ST8SIA4: variants seen among roughly 807,000 people sequenced by gnomAD.
The protein encoded by ST8SIA4 is CMP-N-acetylneuraminate-poly-alpha-2,8-sialyltransferase.
In ST8SIA4, 15 loss-of-function variants were observed where a neutral mutation model predicts 33.9. The observed-to-expected ratio is 0.44, with a 90% CI of 0.30 to 0.68. The LOEUF (loss-of-function observed/expected upper bound fraction) is 0.68, where lower values mean the gene tolerates loss of function less well. ST8SIA4 is among the 30% of genes least tolerant of loss of function. The pLI, the probability that ST8SIA4 is intolerant of heterozygous loss-of-function variation, is 0.10. For missense variants in ST8SIA4, 321 were observed against 428.0 expected (o/e 0.75, Z 2.21); for synonymous variants, 171 against 151.2 (o/e 1.13, Z -0.96).
chr5:100,811,814 A>G lies in ST8SIA4; in HGVS notation c.*33T>C. On this transcript the variant is annotated 3_prime_UTR_variant, in exon 5 of 5. Coordinates refer to ENST00000231461, the MANE Select transcript of ST8SIA4 (RefSeq NM_005668.6). ...CAAATCTTCGGAAGCATCTTCAGAAAAGAAGTGCATATTGTTTGTTTCAAA... is the reference window on the plus strand; with the variant it reads ...CAAATCTTCGGAAGCATCTTCAGAAGAGAAGTGCATATTGTTTGTTTCAAA... The G allele has an allele frequency of 6.4e-7, 1 of 1,561,392 alleles. No homozygotes were observed. Among genetic ancestry groups the G allele is most frequent in the Non-Finnish European group, 8.7e-7 (1 of 1,155,590 alleles).
chr5:100,827,016 T>G (rs565869400), intron 4 of ST8SIA4, among the ~76,000 whole-genome samples: 4 of 151,522 alleles, frequency 2.6e-5, no homozygotes, highest in Non-Finnish European at 4.4e-5. Flanking sequence ...CCTCCCCAAG[T>G]TTTTGTTACC....
intron 1 of ST8SIA4, among the ~76,000 whole-genome samples, chr5:100,900,979 A>G (rs1020587000): frequency 7.9e-5 from 12 of 152,174 alleles, no homozygotes; most frequent in African/African-American, 2.9e-4. Flanking sequence ...AAACTGCTTC[A>G]GCTTGAAAAG....
rs886848266 is a variant in ST8SIA4, at chr5:100,811,616, G to T, written c.*231C>A. 4.2e-6 allele frequency: 2 copies of T among 480,062 alleles called. No homozygotes were observed. The highest frequency in any genetic ancestry group is 3.6e-5 in the Admixed American group (1 of 27,990). 29.7% of individuals were successfully genotyped at this position (480,062 alleles called of 1,614,324 possible). A position where few individuals can be genotyped will look rare whatever the true frequency, so the allele number is the denominator to read the frequency against. On this transcript the variant is annotated 3_prime_UTR_variant, in exon 5 of 5. Transcript: ENST00000231461. The stretch of plus-strand genomic sequence containing the variant: ...ACACTACTGATTATACATTCAAACT[G>T]TATTCTTAGTGGAAGTGGCACTTAC...
At position 100,820,038 on chromosome 5, in the gene ST8SIA4, T is replaced by A. The variant is rs575274180; in HGVS notation, c.798-7909A>T. ...TACAATATTCAATAGTGGGAAAGTA[T>A]TGGAAAAACTGAAGCCCAGCCTTGA... On this transcript the variant is annotated intron_variant, in intron 4 of 4. Transcript: ENST00000231461. Among the ~76,000 whole-genome samples the A allele has an allele frequency of 2.0e-5, 3 of 152,304 alleles. No individual in the cohort carries two copies. The South Asian group carries it at 6.2e-4, about 32-fold the overall frequency.
chr5:100,811,377 A>C lies in ST8SIA4; in HGVS notation c.*470T>G, dbSNP rs995235427. The C allele has an allele frequency of 1.3e-5, 2 of 153,570 alleles. No individual in the cohort carries two copies. Among genetic ancestry groups the C allele is most frequent in the Non-Finnish European group, 2.9e-5 (2 of 68,888 alleles). The allele number at this position is 153,570 out of a possible 1,614,324, so 9.5% of individuals were successfully genotyped here. On this transcript the variant is annotated 3_prime_UTR_variant, in exon 5 of 5. Transcript: ENST00000231461. ...ATGATCAGACTCAGAGTCCTGACTG[A>C]AGCATTTACTTGAGTTGTTTAATCT...
Position 100,857,164 on chromosome 5 carries a change from G to A in ST8SIA4, c.504-768C>T, listed in dbSNP as rs184211992. 1.4e-4 allele frequency among the ~76,000 whole-genome samples: 22 copies of A among 152,050 alleles called. No individual in the cohort carries two copies. In the South Asian group the frequency reaches 1.7e-3, roughly 11 times the overall value. ...ATGTAGGGAAAGAACAGAATATGCCGTACTGTTTTCTCCACTAGAGCCATA... is the reference window on the plus strand; with the variant it reads ...ATGTAGGGAAAGAACAGAATATGCCATACTGTTTTCTCCACTAGAGCCATA... On this transcript the variant is annotated intron_variant, in intron 3 of 4. Coordinates refer to ENST00000231461, the MANE Select transcript of ST8SIA4 (RefSeq NM_005668.6).
rs754892781 is a variant in ST8SIA4, at chr5:100,856,317, C to A, written c.583G>T (p.Val195Leu). ...SDFITMNPSV[V>L]QRAFGGFRNE... ...CGAAAGCCTCCAAATGCTCTTTGTA[C>A]AACTGATGGATTCATGGTAATAAAA... The change falls in exon 4 of 5, where the codon GTA (valine) becomes TTA (leucine). Residue 195 changes from valine (V) to leucine (L), a missense_variant. Physicochemically the swap from Val to Leu is conservative, Grantham distance 32 (BLOSUM62 1). Transcript: ENST00000231461. 6.2e-7 allele frequency: 1 copy of A among 1,614,012 alleles called. No individual in the cohort carries two copies. Among genetic ancestry groups the A allele is most frequent in the Non-Finnish European group, 8.5e-7 (1 of 1,179,968 alleles).
chr5:100,895,793 A>G lies in ST8SIA4; in HGVS notation c.114-8T>C. The G allele has an allele frequency of 1.9e-6, 3 of 1,611,322 alleles. No individual in the cohort carries two copies. Among genetic ancestry groups the G allele is most frequent in the Non-Finnish European group, 2.5e-6 (3 of 1,178,456 alleles). On this transcript the variant is annotated splice_region_variant and splice_polypyrimidine_tract_variant and intron_variant, in intron 1 of 4. Coordinates refer to ENST00000231461, the MANE Select transcript of ST8SIA4 (RefSeq NM_005668.6). ...AAAGACAATTCACCATCTCTGAAACAAAACAAAATTGCCAGCTTTGTGAAA... is the reference window on the plus strand; with the variant it reads ...AAAGACAATTCACCATCTCTGAAACGAAACAAAATTGCCAGCTTTGTGAAA...
chr5:100,815,420 T>C lies in ST8SIA4; in HGVS notation c.798-3291A>G, dbSNP rs550432302. Among the ~76,000 whole-genome samples, 214 of 151,476 alleles carry C rather than the reference T, an allele frequency of 1.4e-3. 1 individual carries two copies. Among genetic ancestry groups the C allele is most frequent in the Non-Finnish European group, 1.7e-3 (113 of 67,600 alleles). On this transcript the variant is annotated intron_variant, in intron 4 of 4. Coordinates refer to ENST00000231461, the MANE Select transcript of ST8SIA4 (RefSeq NM_005668.6). ...TATTAATTTCCTTTCATCCTTCCTT[T>C]CTTCCTTCCTTCCTTCCTTCCTTCC...
chr5:100,829,611 T>A (rs559542530), intron 4 of ST8SIA4, among the ~76,000 whole-genome samples: 7 of 152,164 alleles, frequency 4.6e-5, no homozygotes, highest in Non-Finnish European at 1.0e-4. Flanking sequence ...TCAGATCCTT[T>A]AGAATTACTA....
chr5:100,849,420 T>C (rs1751637562), intron 4 of ST8SIA4: 4 of 985,422 alleles, frequency 4.1e-6, no homozygotes, highest in Non-Finnish European at 4.8e-6. Flanking sequence ...TTAGAATTGT[T>C]CAAATCCTCT....
intron 4 of ST8SIA4, among the ~76,000 whole-genome samples, chr5:100,815,966 C>A (rs1386196912): frequency 6.6e-6 from 1 of 152,210 alleles, no homozygotes. Flanking sequence ...GTCCCACTCA[C>A]AAACCCACTT....
In ST8SIA4 at chr5:100,842,407, G is replaced by C. The variant is rs575142886; in HGVS notation, c.797+13696C>G. 1.1e-3 allele frequency among the ~76,000 whole-genome samples: 171 copies of C among 151,768 alleles called. 1 individual carries two copies. The highest frequency in any genetic ancestry group is 2.3e-3 in the Admixed American group (35 of 15,182). ...TGGATTATTTGATTATAGCACAGATGGATTCCACAAAGTATCAAGTTCCTT... is the reference window on the plus strand; with the variant it reads ...TGGATTATTTGATTATAGCACAGATCGATTCCACAAAGTATCAAGTTCCTT... On this transcript the variant is annotated intron_variant, in intron 4 of 4. Coordinates refer to ENST00000231461, the MANE Select transcript of ST8SIA4 (RefSeq NM_005668.6).
intron 4 of ST8SIA4, among the ~76,000 whole-genome samples, chr5:100,818,336 G>T (rs1044187580): frequency 2.0e-5 from 3 of 151,838 alleles, no homozygotes; most frequent in Non-Finnish European, 4.4e-5. Context: ...ATCAATAGTG[G>T]TTTTTTTTCT....
chr5:100,889,679 G>A lies in ST8SIA4; in HGVS notation c.246-3079C>T, dbSNP rs546391997. Among the ~76,000 whole-genome samples, 18 of 151,928 alleles carry A rather than the reference G, an allele frequency of 1.2e-4. No homozygotes were observed. In the South Asian group the frequency reaches 3.7e-3, roughly 32 times the overall value. ...CCTCTTTATTTTATTTACTCTTAGG[G>A]AAAAATGATTTAAAAAGGGAACTAT... On this transcript the variant is annotated intron_variant, in intron 2 of 4. Transcript: ENST00000231461.
rs1259704101 is a variant in ST8SIA4, at chr5:100,811,104, G to C, written c.*743C>G. ...AGGCAGGAGAATGGAGTGAACTTGG[G>C]AGGCGGAGCTTGCAGTGAGCTGAGA... On this transcript the variant is annotated 3_prime_UTR_variant, in exon 5 of 5. Coordinates refer to ENST00000231461, the MANE Select transcript of ST8SIA4 (RefSeq NM_005668.6). The C allele has an allele frequency of 1.3e-5, 2 of 151,800 alleles. No homozygotes were observed. Among genetic ancestry groups the C allele is most frequent in the Middle Eastern group, 3.1e-3 (1 of 320 alleles). The allele number at this position is 151,800 out of a possible 1,614,324, so 9.4% of individuals were successfully genotyped here. A position where few individuals can be genotyped will look rare whatever the true frequency, so the allele number is the denominator to read the frequency against.
intron 4 of ST8SIA4, among the ~76,000 whole-genome samples, chr5:100,850,666 G>T (rs1487778954): frequency 6.6e-6 from 1 of 151,552 alleles, no homozygotes; most frequent in African/African-American, 2.4e-5. Context: ...TTTTCAGAAG[G>T]GAACATATTA....
At chr5:100,896,208 T>C (rs1420293218) in intron 1 of ST8SIA4, among the ~76,000 whole-genome samples, 2 of 152,008 alleles carry the variant, frequency 1.3e-5, no homozygotes, top group Non-Finnish European at 2.9e-5. Context: ...TAACTGTCCA[T>C]TAACAGAGGA....
chr5:100,855,988 C>T lies in ST8SIA4; in HGVS notation c.797+115G>A, dbSNP rs928149121. The T allele has an allele frequency of 4.2e-5, 39 of 937,120 alleles. No homozygotes were observed. In the South Asian group the frequency reaches 5.1e-4, roughly 12 times the overall value. 58.1% of individuals were successfully genotyped at this position (937,120 alleles called of 1,614,324 possible). On this transcript the variant is annotated intron_variant, in intron 4 of 4. Transcript: ENST00000231461. The stretch of plus-strand genomic sequence containing the variant: ...AAATAGAGTAACCATTATAAAATAA[C>T]GGAAACATATATCCATTTGGAGATT...
Sources: gnomAD v4.1 joint callset for allele counts (sites outside exome capture counted in the v4.1 genomes callset) on GRCh38, gnomAD v4.1.1 for gene constraint, MANE v1.5 for transcripts, NCBI Gene and HGNC (gene_info 2026-07-23, HGNC 2026-07-21) for gene names.